Variants in PSG11 observed in about 807,000 individuals in gnomAD.
PSG11 encodes the protein pregnancy-specific beta-1-glycoprotein 11.
A neutral mutation model predicts 36.0 loss-of-function variants in PSG11; 42 were observed. The observed-to-expected ratio is 1.17, with a 90% CI of 0.91 to 1.51. PSG11 has a LOEUF of 1.51. Among genes scored for constraint, PSG11 ranks in the 40% most tolerant of loss-of-function variants. The pLI is 0.00. For missense variants in PSG11, 558 were observed against 403.5 expected (o/e 1.38, Z -3.28); for synonymous variants, 206 against 153.5 (o/e 1.34, Z -2.53).
At chr19:43,011,211 T>C (rs1221187405) in intron 4 of PSG11, among the ~76,000 whole-genome samples, 3 of 151,190 alleles carry the variant, frequency 2.0e-5, no homozygotes, top group South Asian at 2.1e-4. Context: ...TTTCATTGAC[T>C]GCATGAAACC....
chr19:43,022,769 C>T (rs1361543201), intron 2 of PSG11, among the ~76,000 whole-genome samples: 6 of 151,144 alleles, frequency 4.0e-5, no homozygotes, highest in African/African-American at 1.5e-4. Flanking sequence ...TCTTAGTGAC[C>T]TGGGGACATT....
chr19:43,022,946 G>A (rs1967138481), intron 2 of PSG11, among the ~76,000 whole-genome samples: 1 of 150,684 alleles, frequency 6.6e-6, no homozygotes, highest in Non-Finnish European at 1.5e-5. Flanking sequence ...AAGAAGCTGT[G>A]CAGGACAGGG....
chr19:43,016,554 G>A (rs946128986), intron 3 of PSG11, among the ~76,000 whole-genome samples: 20 of 151,610 alleles, frequency 1.3e-4, no homozygotes, highest in Non-Finnish European at 2.4e-4. Context: ...GGGACTGGAT[G>A]TTTCAGCAGA....
chr19:43,015,327 G>C lies in PSG11; in HGVS notation c.753C>G (p.Tyr251Ter), dbSNP rs1966933761. 17 of 1,610,240 alleles carry C rather than the reference G, an allele frequency of 1.1e-5. 2 individuals are homozygous for C. Among genetic ancestry groups the C allele is most frequent in the Non-Finnish European group, 1.4e-5 (16 of 1,177,412 alleles). The change falls in exon 4 of 6, where the codon TAC becomes TAG. Residue 251 changes from tyrosine to a stop codon, truncating the protein, a stop_gained. Transcript: ENST00000320078. LOFTEE classifies it high-confidence loss of function. The stretch of plus-strand genomic sequence containing the variant: ...ACAAGTCGAGGTTCTCTCCTGAATA[G>C]TAAGAGGTGACTGAAGGGAAAATTC... The part of the protein sequence containing the change: ...LPRIFPSVTS[Y>*]YSGENLDLSC...
chr19:43,019,133 C>T, intron 2 of PSG11, 85 bp from the exon 3 acceptor site: 2 of 1,555,728 alleles, frequency 1.3e-6, no homozygotes, highest in African/African-American at 2.7e-5. Context: ...TGGCATTTGC[C>T]ACCTCTCAGC....
chr19:43,007,985 T>G lies in PSG11; in HGVS notation c.*98A>C. 1 of 403,138 alleles carries G rather than the reference T, an allele frequency of 2.5e-6. No homozygotes were observed. Among genetic ancestry groups the G allele is most frequent in the Non-Finnish European group, 4.6e-6 (1 of 218,252 alleles). 25.0% of individuals were successfully genotyped at this position (403,138 alleles called of 1,614,324 possible). ...AGTTCTTAGTCCAGTGGTATGATCT[T>G]GAAGTTATCAGGAACTTGTATTCAA... On this transcript the variant is annotated 3_prime_UTR_variant, in exon 6 of 6. Coordinates refer to ENST00000320078, the MANE Select transcript of PSG11 (RefSeq NM_002785.3).
Position 43,007,876 on chromosome 19 carries a change from G to C in PSG11, c.*207C>G. The C allele has an allele frequency of 2.8e-6, 1 of 361,812 alleles. No individual in the cohort carries two copies. The highest frequency in any genetic ancestry group is 4.8e-5 in the Admixed American group (1 of 20,802). The allele number at this position is 361,812 out of a possible 1,614,324, so 22.4% of individuals were successfully genotyped here. ...AAAATTATGAAAACATTATCCTTTT[G>C]TTATTTAGTCCAATGAAATGGAGTT... On this transcript the variant is annotated 3_prime_UTR_variant, in exon 6 of 6. Transcript: ENST00000320078.
intron 4 of PSG11, among the ~76,000 whole-genome samples, chr19:43,012,152 C>G (rs1024334620): frequency 2.6e-5 from 4 of 151,178 alleles, no homozygotes; most frequent in Admixed American, 6.6e-5. Context: ...GAAACCACCT[C>G]AACATAAAGG....
intron 3 of PSG11, chr19:43,018,569 G>T: frequency 7.8e-7 from 1 of 1,280,642 alleles, no homozygotes; most frequent in Non-Finnish European, 1.1e-6. Flanking sequence ...AGCCTCCCAT[G>T]ACAGGAGCAG....
At chr19:43,020,619 G>C (rs1191710431) in intron 2 of PSG11, among the ~76,000 whole-genome samples, 1 of 151,406 alleles carries the variant, frequency 6.6e-6, no homozygotes, top group Non-Finnish European at 1.5e-5. Flanking sequence ...TAAGGTTTAG[G>C]TGTGCCATGA....
Position 43,018,938 on chromosome 19 carries a change from A to C in PSG11, c.541T>G (p.Trp181Gly). 6.2e-7 allele frequency: 1 copy of C among 1,612,030 alleles called. No homozygotes were observed. Among genetic ancestry groups the C allele is most frequent in the Non-Finnish European group, 8.5e-7 (1 of 1,179,104 alleles). The change falls in exon 3 of 6, where the codon TGG (tryptophan) becomes GGG (glycine). Residue 181 changes from tryptophan (W) to glycine (G), a missense_variant. Physicochemically the swap from Trp to Gly is radical, Grantham distance 184. Coordinates refer to ENST00000320078, the MANE Select transcript of PSG11 (RefSeq NM_002785.3). ...PETPDASYLWWMNGQSLPMTH... is the reference protein window; with the variant it reads ...PETPDASYLWGMNGQSLPMTH... Reference sequence around the variant, plus strand: ...ATAGGGAGGCTCTGACCATTCATCCACCACAGGTAGCTTGCGTCCGGAGTC... The same window carrying C: ...ATAGGGAGGCTCTGACCATTCATCCCCCACAGGTAGCTTGCGTCCGGAGTC...
Position 43,024,656 on chromosome 19 carries a change from C to T in PSG11, c.430+35G>A, listed in dbSNP as rs1382203208. ...TGTGTGATGTAGAAGTGACCCCTGT[C>T]CCCCAACACCCAGGGATCATGTGGA... On this transcript the variant is annotated intron_variant, in intron 2 of 5. Transcript: ENST00000320078. 1.9e-6 allele frequency: 3 copies of T among 1,608,966 alleles called. 1 individual carries two copies. In the African/African-American group the frequency reaches 4.0e-5, roughly 22 times the overall value.
chr19:43,024,660 C>G (rs1313008421), intron 2 of PSG11, 31 bp downstream of exon 2: 1 of 1,609,110 alleles, frequency 6.2e-7, no homozygotes, highest in Non-Finnish European at 8.5e-7. Context: ...CCCTGTCCCC[C>G]AACACCCAGG....
chr19:43,011,745 G>C (rs1974081473), intron 4 of PSG11, among the ~76,000 whole-genome samples: 1 of 150,714 alleles, frequency 6.6e-6, no homozygotes, highest in Non-Finnish European at 1.5e-5. Flanking sequence ...AAGCCAACTA[G>C]CTGCGCATGG....
chr19:43,026,004 C>G (rs1194793251), intron 1 of PSG11, among the ~76,000 whole-genome samples: 5 of 126,540 alleles, frequency 4.0e-5, no homozygotes, highest in Non-Finnish European at 6.3e-5. Context: ...TGCAGTGGCA[C>G]TATCTCAGCT....
chr19:43,025,077 C>T, intron 1 of PSG11, 21 bp from the exon 2 acceptor site: 2 of 1,602,192 alleles, frequency 1.2e-6, no homozygotes, highest in Admixed American at 1.7e-5. Flanking sequence ...GAGAGAGCAT[C>T]AGTCAATATT....
Position 43,025,057 on chromosome 19 carries a change from C to G in PSG11, c.65-1G>C. 1 of 1,608,146 alleles carries G rather than the reference C, an allele frequency of 6.2e-7. No homozygotes were observed. The highest frequency in any genetic ancestry group is 8.5e-7 in the Non-Finnish European group (1 of 1,176,990). On this transcript the variant is annotated splice_acceptor_variant, in intron 1 of 5. Coordinates refer to ENST00000320078, the MANE Select transcript of PSG11 (RefSeq NM_002785.3). LOFTEE classifies it high-confidence loss of function. ...AAGTTCCAGAAGTTTAAAAGTAATG[C>G]TAGGAGGTGGAGAGAGCATCAGTCA...
intron 4 of PSG11, among the ~76,000 whole-genome samples, chr19:43,013,501 T>A (rs779635613): frequency 6.6e-6 from 1 of 151,348 alleles, no homozygotes; most frequent in African/African-American, 2.4e-5. Flanking sequence ...AATAAGCCCA[T>A]GCAAAGTTCC....
At chr19:43,025,619 G>A (rs77072449) in intron 1 of PSG11, among the ~76,000 whole-genome samples, 1 of 149,930 alleles carries the variant, frequency 6.7e-6, no homozygotes, top group African/African-American at 2.5e-5. Context: ...GACTCCTGTA[G>A]ATGTGAGAGT....
Sources: allele counts gnomAD v4.1 joint callset (sites outside exome capture counted in the v4.1 genomes callset), GRCh38; gene constraint gnomAD v4.1.1; transcripts MANE v1.5; gene names NCBI Gene and HGNC (gene_info 2026-07-23, HGNC 2026-07-21).